The following RAPGEFL1 variants were observed in gnomAD, a reference collection of about 807,000 sequenced individuals.
The protein encoded by RAPGEFL1 is Rap guanine nucleotide exchange factor like 1.
Under a neutral mutation model 64.4 loss-of-function variants are expected in RAPGEFL1, and 31 were observed. The ratio of observed to expected loss-of-function variants is 0.48; its 90% CI spans 0.36 to 0.65. RAPGEFL1 has a LOEUF of 0.65. RAPGEFL1 is among the 30% of genes least tolerant of loss of function. The probability of loss-of-function intolerance (pLI) is 0.00; values close to 1 mark genes in which losing one functional copy is unlikely to be tolerated. For synonymous variants in RAPGEFL1, 331 were observed against 274.1 expected (o/e 1.21, Z -2.05); for missense variants, 682 against 677.4 (o/e 1.01, Z -0.08).
chr17:40,178,125 G>A lies in RAPGEFL1; in HGVS notation c.264G>A (p.Pro88=), dbSNP rs1476038643. 5 of 562,042 alleles carry A rather than the reference G, an allele frequency of 8.9e-6. No individual in the cohort carries two copies. The highest frequency in any genetic ancestry group is 6.3e-6 in the Non-Finnish European group (2 of 319,144). The allele number at this position is 562,042 out of a possible 1,614,324, so 34.8% of individuals were successfully genotyped here. Reference sequence around the variant, plus strand: ...CCCCTGAGGAGGAAGGAGGAGAGCCGGCGGGGGTCGCGGAGGAGCCGGGCA... The same window carrying A: ...CCCCTGAGGAGGAAGGAGGAGAGCCAGCGGGGGTCGCGGAGGAGCCGGGCA... The part of the protein sequence containing the change: ...EPPPEEEGGE[P]AGVAEEPGSG... The change falls in exon 1 of 15, where the codon CCG becomes CCA. Residue 88 remains proline, a synonymous_variant. Coordinates refer to ENST00000620260, the MANE Select transcript of RAPGEFL1 (RefSeq NM_016339.6).
chr17:40,188,835 G>T (rs763174473), intron 4 of RAPGEFL1, 31 bp from the exon 5 acceptor site: 1 of 1,573,978 alleles, frequency 6.4e-7, no homozygotes, highest in Admixed American at 1.7e-5. Context: ...GCCTGGCAGG[G>T]CGTGCTGATG....
At chr17:40,187,012 C>T (rs894430860) in intron 4 of RAPGEFL1, among the ~76,000 whole-genome samples, 9 of 151,274 alleles carry the variant, frequency 5.9e-5, no homozygotes, top group South Asian at 4.2e-4. Flanking sequence ...TTAATAGAGA[C>T]GGTTTCATTA....
chr17:40,189,063 C>A, intron 5 of RAPGEFL1, 85 bp downstream of exon 5: 1 of 1,478,414 alleles, frequency 6.8e-7, no homozygotes, highest in Non-Finnish European at 9.4e-7. Flanking sequence ...TCAGTGGCAT[C>A]TCCCTGGGTG....
chr17:40,185,988 G>C (rs1339856978), intron 4 of RAPGEFL1, among the ~76,000 whole-genome samples: 1 of 150,036 alleles, frequency 6.7e-6, no homozygotes, highest in East Asian at 2.0e-4. Context: ...AAGGCCGGGT[G>C]CGGTGGCTCA....
chr17:40,182,418 T>A (rs545866601), intron 2 of RAPGEFL1, among the ~76,000 whole-genome samples: 3 of 150,504 alleles, frequency 2.0e-5, no homozygotes. Flanking sequence ...TTCAAGCGAT[T>A]CTCCTGCCTC....
Position 40,192,154 on chromosome 17 carries a change from C to G in RAPGEFL1, c.1606-59C>G, listed in dbSNP as rs537438241. On this transcript the variant is annotated intron_variant, in intron 10 of 14. Transcript: ENST00000620260. ...CAACAGGGAGAATTAATCCGAGGCT[C>G]CCATGTAACCCAAGGAGCTCCACTC... 2.1e-4 allele frequency: 308 copies of G among 1,497,524 alleles called. 4 individuals carry two copies. The South Asian group carries it at 3.3e-3, about 16-fold the overall frequency. The allele number at this position is 1,497,524 out of a possible 1,614,324, so 92.8% of individuals were successfully genotyped here.
At chr17:40,190,990 G>A (rs577721330) in intron 8 of RAPGEFL1, 1 of 618,370 alleles carries the variant, frequency 1.6e-6, no homozygotes, top group Non-Finnish European at 2.7e-6. Context: ...CCTGACCCAG[G>A]ATTTCTATTT....
intron 2 of RAPGEFL1, among the ~76,000 whole-genome samples, chr17:40,182,245 A>C (rs781199491): frequency 4.3e-4 from 65 of 152,318 alleles, no homozygotes; most frequent in Middle Eastern, 6.8e-3. Context: ...GCTGCTATGA[A>C]GATCAGTCTG....
At chr17:40,184,734 A>G (rs927453068) in intron 4 of RAPGEFL1, 56 bp downstream of exon 4, 1 of 1,092,780 alleles carries the variant, frequency 9.2e-7, no homozygotes, top group African/African-American at 1.6e-5. Context: ...GCGTTCCTCT[A>G]CTACAGGGGC....
chr17:40,189,584 A>T (rs1990191187), intron 6 of RAPGEFL1, among the ~76,000 whole-genome samples: 1 of 152,210 alleles, frequency 6.6e-6, no homozygotes, highest in African/African-American at 2.4e-5. Context: ...GCTACTCAGG[A>T]GGCTGAGGCA....
intron 2 of RAPGEFL1, among the ~76,000 whole-genome samples, chr17:40,183,606 G>A (rs777036589): frequency 1.7e-4 from 25 of 143,248 alleles, no homozygotes; most frequent in Non-Finnish European, 2.7e-4. Flanking sequence ...TGCAACCTCC[G>A]CCTCCCGGGT....
intron 4 of RAPGEFL1, 81 bp downstream of exon 4, chr17:40,184,759 T>A (rs148538124): frequency 1.3e-6 from 1 of 789,700 alleles, no homozygotes; most frequent in African/African-American, 1.8e-5. Flanking sequence ...TCTGGCCTAT[T>A]GGCTGCAATA....
Position 40,194,293 on chromosome 17 carries a change from TC to T in RAPGEFL1, c.*506del, listed in dbSNP as rs1567698670. On this transcript the variant is annotated 3_prime_UTR_variant, in exon 15 of 15. Coordinates refer to ENST00000620260, the MANE Select transcript of RAPGEFL1 (RefSeq NM_016339.6). Reference sequence around the variant, plus strand: ...TGTGTGTGTGTGTGTGTGTGTGTCTTCTTTTAGGGAGCAGGAGTGCATCTGG... The same window carrying T: ...TGTGTGTGTGTGTGTGTGTGTGTCTTTTTTAGGGAGCAGGAGTGCATCTGG... The T allele has an allele frequency of 7.0e-6, 1 of 143,752 alleles. No homozygotes were observed. Among genetic ancestry groups the T allele is most frequent in the Non-Finnish European group, 1.4e-5 (1 of 69,214 alleles). 8.9% of individuals were successfully genotyped at this position (143,752 alleles called of 1,614,324 possible). A position where few individuals can be genotyped will look rare whatever the true frequency, so the allele number is the denominator to read the frequency against.
Position 40,184,132 on chromosome 17 carries a change from C to T in RAPGEFL1, c.600-82C>T, listed in dbSNP as rs892764239. ...CTGCTGGGATTATAGGCGTGAGCCACTGCGCCCAGCCTAGCCTCCCATCTT... is the reference window on the plus strand; with the variant it reads ...CTGCTGGGATTATAGGCGTGAGCCATTGCGCCCAGCCTAGCCTCCCATCTT... On this transcript the variant is annotated intron_variant, in intron 2 of 14. Transcript: ENST00000620260. 2.4e-5 allele frequency: 26 copies of T among 1,068,966 alleles called. No homozygotes were observed. The African/African-American group carries it at 4.1e-4, about 17-fold the overall frequency. 66.2% of individuals were successfully genotyped at this position (1,068,966 alleles called of 1,614,324 possible).
chr17:40,193,299 G>A (rs1326182499), intron 13 of RAPGEFL1, 64 bp from the exon 14 acceptor site: 1 of 1,531,844 alleles, frequency 6.5e-7, no homozygotes, highest in Non-Finnish European at 9.0e-7. Context: ...TGGCGGAGGG[G>A]GAGCATAAGA....
Position 40,184,301 on chromosome 17 carries a change from C to G in RAPGEFL1, c.687C>G (p.Thr229=). 6.2e-7 allele frequency: 1 copy of G among 1,613,746 alleles called. No homozygotes were observed. The highest frequency in any genetic ancestry group is 8.5e-7 in the Non-Finnish European group (1 of 1,179,910). The change falls in exon 3 of 15, where the codon ACC becomes ACG. Residue 229 remains threonine (T), a synonymous_variant. Transcript: ENST00000620260. The part of the protein sequence containing the change: ...CLAMLLHFLD[T]YQGLLQEEEG... Reference sequence around the variant, plus strand: ...CCATGCTTCTCCATTTCTTGGACACCTACCAGGGGCTGCTTCAAGAGGAAG... The same window carrying G: ...CCATGCTTCTCCATTTCTTGGACACGTACCAGGGGCTGCTTCAAGAGGAAG...
Position 40,184,360 on chromosome 17 carries a change from G to A in RAPGEFL1, c.735+11G>A. ...GGCCACATCATCAAGGTGGGCCTGGGGGAAGAGAAGGTGGGTAAACAGGCT... is the reference window on the plus strand; with the variant it reads ...GGCCACATCATCAAGGTGGGCCTGGAGGAAGAGAAGGTGGGTAAACAGGCT... On this transcript the variant is annotated intron_variant, in intron 3 of 14. Transcript: ENST00000620260. The A allele has an allele frequency of 6.2e-7, 1 of 1,600,978 alleles. No individual in the cohort carries two copies. Among genetic ancestry groups the A allele is most frequent in the Admixed American group, 1.8e-5 (1 of 55,690 alleles).
chr17:40,194,026 G>T lies in RAPGEFL1; in HGVS notation c.*238G>T. ...CTGGTTCCTGTCCCCTCTGAGAAAGGGGATAGAAAGCTCCTTCCTCTATGT... is the reference window on the plus strand; with the variant it reads ...CTGGTTCCTGTCCCCTCTGAGAAAGTGGATAGAAAGCTCCTTCCTCTATGT... On this transcript the variant is annotated 3_prime_UTR_variant, in exon 15 of 15. Transcript: ENST00000620260. 1 of 479,976 alleles carries T rather than the reference G, an allele frequency of 2.1e-6. No individual in the cohort carries two copies. Among genetic ancestry groups the T allele is most frequent in the Non-Finnish European group, 3.8e-6 (1 of 265,602 alleles). 29.7% of individuals were successfully genotyped at this position (479,976 alleles called of 1,614,324 possible). A position where few individuals can be genotyped will look rare whatever the true frequency, so the allele number is the denominator to read the frequency against.
At chr17:40,185,519 CAA>C (rs1012933421) in intron 4 of RAPGEFL1, among the ~76,000 whole-genome samples, 3 of 36,244 alleles carry the variant, frequency 8.3e-5, no homozygotes, top group Non-Finnish European at 1.1e-4. Context: ...GTCTCCACTA[CAA>C]AAAAAAAAAA....
Sources: gnomAD v4.1 joint callset for allele counts (sites outside exome capture counted in the v4.1 genomes callset) on GRCh38, gnomAD v4.1.1 for gene constraint, MANE v1.5 for transcripts, NCBI Gene and HGNC (gene_info 2026-07-23, HGNC 2026-07-21) for gene names.